The following DCLK3 variants were observed in gnomAD, a reference collection of about 807,000 sequenced individuals.
DCLK3 encodes the protein serine/threonine-protein kinase DCLK3.
Under a neutral mutation model 46.4 loss-of-function variants are expected in DCLK3, and 30 were observed. The observed-to-expected ratio is 0.65, with a 90% CI of 0.48 to 0.88. The LOEUF is 0.88. Among genes scored for constraint, DCLK3 ranks in the 40% least tolerant of loss-of-function variants. The pLI is 0.00. For synonymous variants in DCLK3, 401 were observed against 339.2 expected, an observed-to-expected ratio of 1.18 and a Z score of -2.00; for missense variants, 846 against 907.1, an observed-to-expected ratio of 0.93 and a Z score of 0.87.
At chr3:36,762,484 AATTTG>A (rs929560101) in intron 1 of DCLK3, among the ~76,000 whole-genome samples, 3 of 152,202 alleles carry the variant, frequency 2.0e-5, no homozygotes, top group Non-Finnish European at 4.4e-5. Flanking sequence ...CATAGAGGTC[AATTTG>A]ACACAACTCC....
intron 1 of DCLK3, among the ~76,000 whole-genome samples, chr3:36,752,736 C>T (rs1326235298): frequency 6.6e-6 from 1 of 152,148 alleles, no homozygotes; most frequent in African/African-American, 2.4e-5. Context: ...AGTCTGGTTT[C>T]TTTCTGCATA....
chr3:36,762,499 C>T (rs1320498583), intron 1 of DCLK3, among the ~76,000 whole-genome samples: 1 of 152,158 alleles, frequency 6.6e-6, no homozygotes, highest in Non-Finnish European at 1.5e-5. Flanking sequence ...GACACAACTC[C>T]ACATTGGATC....
At chr3:36,736,349 AG>A (rs1230043751) in intron 2 of DCLK3, among the ~76,000 whole-genome samples, 1 of 152,166 alleles carries the variant, frequency 6.6e-6, no homozygotes, top group Non-Finnish European at 1.5e-5. Flanking sequence ...GCAGCCACAA[AG>A]GGGACATGTG....
rs371935225 is a variant in DCLK3, at chr3:36,719,523, T to C, written c.2093-1346A>G. 7.2e-5 allele frequency among the ~76,000 whole-genome samples: 11 copies of C among 152,356 alleles called. No individual in the cohort carries two copies. In the East Asian group the frequency reaches 1.2e-3, roughly 16 times the overall value. On this transcript the variant is annotated intron_variant, in intron 3 of 4. Transcript: ENST00000636136. ...AAATGTCCCTTGGCCTCTGTGACAATGCACTTTTCAGATCCTCTCTGGGCT... is the reference window on the plus strand; with the variant it reads ...AAATGTCCCTTGGCCTCTGTGACAACGCACTTTTCAGATCCTCTCTGGGCT...
At chr3:36,752,665 T>A (rs1027196104) in intron 1 of DCLK3, among the ~76,000 whole-genome samples, 11 of 152,172 alleles carry the variant, frequency 7.2e-5, no homozygotes, top group African/African-American at 2.7e-4. Context: ...GGATCTAATA[T>A]CATTACTCCA....
intron 1 of DCLK3, among the ~76,000 whole-genome samples, chr3:36,756,903 G>C (rs993442016): frequency 4.0e-5 from 6 of 151,340 alleles, no homozygotes; most frequent in Admixed American, 2.6e-4. Context: ...GATAGACTCA[G>C]AGGCCCTCCA....
chr3:36,763,330 C>T (rs1701555567), intron 1 of DCLK3, among the ~76,000 whole-genome samples: 1 of 152,260 alleles, frequency 6.6e-6, no homozygotes. Context: ...CACTTCCCCC[C>T]TCCCAGCAGG....
At chr3:36,748,626 C>G (rs1701413294) in intron 1 of DCLK3, among the ~76,000 whole-genome samples, 1 of 152,068 alleles carries the variant, frequency 6.6e-6, no homozygotes, top group Non-Finnish European at 1.5e-5. Context: ...TCTGAGGACA[C>G]TGGCGGAGGG....
intron 1 of DCLK3, among the ~76,000 whole-genome samples, chr3:36,757,865 G>A (rs928206950): frequency 3.3e-5 from 5 of 151,342 alleles, no homozygotes; most frequent in African/African-American, 1.2e-4. Context: ...CTCCCACATC[G>A]CAGTCAACCT....
intron 1 of DCLK3, among the ~76,000 whole-genome samples, chr3:36,758,366 G>C (rs1701506936): frequency 6.6e-6 from 1 of 152,102 alleles, no homozygotes; most frequent in South Asian, 2.1e-4. Context: ...GAATATCCCG[G>C]AAAATTCATA....
intron 3 of DCLK3, among the ~76,000 whole-genome samples, chr3:36,720,092 G>A (rs1701036724): frequency 6.6e-6 from 1 of 152,174 alleles, no homozygotes; most frequent in Admixed American, 6.5e-5. Context: ...TAGATCATGG[G>A]GGTGGATCCT....
In DCLK3 at chr3:36,714,604, C is replaced by T. The variant is rs1700951653; in HGVS notation, c.*724G>A. ...CGGTCACAGCCTGAGCGCCTGACTTCACATAGAAATGACTCAGGCTCAGGG... is the reference window on the plus strand; with the variant it reads ...CGGTCACAGCCTGAGCGCCTGACTTTACATAGAAATGACTCAGGCTCAGGG... On this transcript the variant is annotated 3_prime_UTR_variant, in exon 5 of 5. Transcript: ENST00000636136. The T allele has an allele frequency of 6.6e-6, 1 of 152,178 alleles. No individual in the cohort carries two copies. Among genetic ancestry groups the T allele is most frequent in the South Asian group, 2.1e-4 (1 of 4,826 alleles). 9.4% of individuals were successfully genotyped at this position (152,178 alleles called of 1,614,324 possible).
intron 1 of DCLK3, among the ~76,000 whole-genome samples, chr3:36,753,430 C>T (rs1701460911): frequency 6.6e-6 from 1 of 152,160 alleles, no homozygotes; most frequent in African/African-American, 2.4e-5. Flanking sequence ...CCTTACCTAG[C>T]CCTCTGCACC....
At chr3:36,751,063 T>TAAAAAAAAAAAAAAAAAAAA (rs5847933) in intron 1 of DCLK3, among the ~76,000 whole-genome samples, 2 of 76,476 alleles carry the variant, frequency 2.6e-5, no homozygotes, top group Non-Finnish European at 4.5e-5. Context: ...CGGGATGATC[T>TAAAAAAAAAAAAAAAAAAAA]AAAAAAAAAA....
chr3:36,749,380 T>C (rs1483760464), intron 1 of DCLK3, among the ~76,000 whole-genome samples: 1 of 152,240 alleles, frequency 6.6e-6, no homozygotes, highest in Non-Finnish European at 1.5e-5. Context: ...GCCCCACTAA[T>C]GTCCACTGAC....
chr3:36,745,139 CTGTTA>C (rs911322606), intron 1 of DCLK3, among the ~76,000 whole-genome samples: 1 of 152,156 alleles, frequency 6.6e-6, no homozygotes, highest in African/African-American at 2.4e-5. Context: ...TTACTTTTCT[CTGTTA>C]TAAGATTAGC....
In DCLK3 at chr3:36,764,462, G is replaced by T. The variant is rs1318070177; in HGVS notation, c.-199C>A. The T allele has an allele frequency of 1.2e-5, 2 of 166,394 alleles. No homozygotes were observed. The highest frequency in any genetic ancestry group is 3.5e-4 in the East Asian group (2 of 5,664). 10.3% of individuals were successfully genotyped at this position (166,394 alleles called of 1,614,324 possible). ...CGCAGCGCCCGGCGACAGCCACCGGGAACGTCTCCGGGGGCGCGGGACTTA... is the reference window on the plus strand; with the variant it reads ...CGCAGCGCCCGGCGACAGCCACCGGTAACGTCTCCGGGGGCGCGGGACTTA... On this transcript the variant is annotated 5_prime_UTR_variant, in exon 1 of 5. Transcript: ENST00000636136. This position sits in a 1 kb window ranked among gnomAD's most constrained non-coding sequence, Gnocchi z 4.9.
chr3:36,754,976 A>G (rs567425356), intron 1 of DCLK3, among the ~76,000 whole-genome samples: 1 of 152,360 alleles, frequency 6.6e-6, no homozygotes, highest in South Asian at 2.1e-4. Context: ...AATTTTCTAT[A>G]TGTATAGTGA....
chr3:36,761,611 C>T (rs972046981), intron 1 of DCLK3, among the ~76,000 whole-genome samples: 1 of 152,180 alleles, frequency 6.6e-6, no homozygotes, highest in African/African-American at 2.4e-5. Flanking sequence ...AAGAGGCCAC[C>T]AAAGGAAAAG....
Sources: allele counts gnomAD v4.1 joint callset (sites outside exome capture counted in the v4.1 genomes callset), GRCh38; gene constraint gnomAD v4.1.1; non-coding constraint Gnocchi (gnomAD v3.1); transcripts MANE v1.5; gene names NCBI Gene and HGNC (gene_info 2026-07-23, HGNC 2026-07-21).